MTUS1: variants seen among roughly 807,000 people sequenced by gnomAD.
MTUS1 encodes the protein microtubule associated scaffold protein 1.
In MTUS1, 109 loss-of-function variants were observed where a neutral mutation model predicts 120.8. The ratio of observed to expected loss-of-function variants is 0.90; its 90% CI spans 0.77 to 1.06. The LOEUF is 1.06. Ranked by LOEUF, MTUS1 falls within the 50% of genes least tolerant of loss-of-function variation. MTUS1 has a pLI of 0.00. For missense variants in MTUS1, 2,210 were observed against 1,486.3 expected (o/e 1.49, Z -8.01); for synonymous variants, 737 against 550.5 (o/e 1.34, Z -4.74).
At chr8:17,756,763 C>G (rs912186331) in intron 1 of MTUS1, among the ~76,000 whole-genome samples, 6 of 144,982 alleles carry the variant, frequency 4.1e-5, no homozygotes, top group African/African-American at 1.5e-4. Flanking sequence ...GCTGATCCAA[C>G]AGAGCTGGTG....
At chr8:17,737,802 G>C (rs2047037774) in intron 3 of MTUS1, among the ~76,000 whole-genome samples, 3 of 152,120 alleles carry the variant, frequency 2.0e-5, no homozygotes, top group African/African-American at 7.2e-5. Flanking sequence ...TTGGCTTTTA[G>C]AATAACTTAT....
chr8:17,714,953 G>A (rs566457567), intron 5 of MTUS1, among the ~76,000 whole-genome samples: 26 of 137,484 alleles, frequency 1.9e-4, no homozygotes, highest in East Asian at 1.4e-3. Flanking sequence ...TCACCCAGGC[G>A]GGAGTGCAGT....
At chr8:17,721,334 A>G (rs1226485303) in intron 4 of MTUS1, among the ~76,000 whole-genome samples, 1 of 152,210 alleles carries the variant, frequency 6.6e-6, no homozygotes. Flanking sequence ...GAAAATAAAG[A>G]TGTGATGTTT....
chr8:17,749,411 C>G (rs577093083), intron 2 of MTUS1, among the ~76,000 whole-genome samples: 97 of 152,140 alleles, frequency 6.4e-4, no homozygotes, highest in African/African-American at 2.1e-3. Flanking sequence ...GTAATCCCAG[C>G]ACTTTGAGAA....
intron 4 of MTUS1, among the ~76,000 whole-genome samples, chr8:17,719,452 C>T (rs1489796777): frequency 6.6e-6 from 1 of 152,180 alleles, no homozygotes; most frequent in East Asian, 1.9e-4. Flanking sequence ...GAATGTCTCA[C>T]ATATACCCTA....
chr8:17,761,569 T>C (rs1296684474), intron 1 of MTUS1, among the ~76,000 whole-genome samples: 1 of 152,220 alleles, frequency 6.6e-6, no homozygotes, highest in Non-Finnish European at 1.5e-5. Context: ...TAAGAGTAGA[T>C]GTCTTCTATA....
At chr8:17,713,980 C>A (rs138850371) in intron 5 of MTUS1, among the ~76,000 whole-genome samples, 1 of 152,170 alleles carries the variant, frequency 6.6e-6, no homozygotes, top group African/African-American at 2.4e-5. Context: ...TTTTAGAATT[C>A]TGAGTCTCCT....
At position 17,743,715 on chromosome 8, in the gene MTUS1, T is replaced by G. The variant is rs1586103340; in HGVS notation, c.2176A>C (p.Lys726Gln). 2 of 1,614,206 alleles carry G rather than the reference T, an allele frequency of 1.2e-6. No individual in the cohort carries two copies. The highest frequency in any genetic ancestry group is 2.2e-5 in the East Asian group (1 of 44,880). The stretch of plus-strand genomic sequence containing the variant: ...GAAACAGGGGGCCCCACTTTGGCTT[T>G]TGGAGCAGCTATTTGCCTCAAACCG... ...SCGLRQIAAP[K>Q]AKVGPPVSCL... is the part of the protein sequence containing the mutation. Residue 726 changes from lysine to glutamine, a missense_variant, in exon 3 of 15, where the codon AAA becomes CAA. Transcript: ENST00000693296.
intron 5 of MTUS1, among the ~76,000 whole-genome samples, chr8:17,714,675 G>A (rs1379883631): frequency 6.6e-6 from 1 of 152,022 alleles, no homozygotes; most frequent in Non-Finnish European, 1.5e-5. Context: ...CCTCAGTTTT[G>A]CTGGAATAAA....
chr8:17,763,573 G>A (rs143108098), intron 1 of MTUS1, among the ~76,000 whole-genome samples: 28 of 152,102 alleles, frequency 1.8e-4, no homozygotes, highest in African/African-American at 6.3e-4. Context: ...AGAATGGCCC[G>A]ACCTCTTTTT....
chr8:17,708,108 G>C (rs1452187979), intron 6 of MTUS1, among the ~76,000 whole-genome samples: 1 of 152,194 alleles, frequency 6.6e-6, no homozygotes, highest in Non-Finnish European at 1.5e-5. Flanking sequence ...AGTTGATAAA[G>C]TGGACCTTGT....
Position 17,754,646 on chromosome 8 carries a change from T to C in MTUS1, c.1162A>G (p.Thr388Ala). The change falls in exon 2 of 15, where the codon ACC (threonine) becomes GCC (alanine). Residue 388 changes from threonine to alanine, a missense_variant. Physicochemically the swap from Thr to Ala is moderately conservative, Grantham distance 58 (BLOSUM62 0). Coordinates refer to ENST00000693296, the MANE Select transcript of MTUS1 (RefSeq NM_001363059.2). ...ATCAATTCTGAGGTATGATTTTGGG[T>C]TCCCAAATCCTTTCCTTTGGAGACC... ...QMVSKGKDLGTQNHTSELILS... is the reference protein window; with the variant it reads ...QMVSKGKDLGAQNHTSELILS... The C allele has an allele frequency of 1.9e-6, 3 of 1,614,242 alleles. No homozygotes were observed. The highest frequency in any genetic ancestry group is 1.1e-5 in the South Asian group (1 of 91,084).
At chr8:17,662,262 C>T (rs552421972) in intron 8 of MTUS1, among the ~76,000 whole-genome samples, 20 of 151,592 alleles carry the variant, frequency 1.3e-4, no homozygotes, top group South Asian at 4.2e-4. Flanking sequence ...AAAATTGTTT[C>T]GAATTTGCAA....
chr8:17,648,275 G>GT (rs1192801030), intron 13 of MTUS1, among the ~76,000 whole-genome samples: 2 of 152,170 alleles, frequency 1.3e-5, no homozygotes, highest in Non-Finnish European at 2.9e-5. Context: ...CCCTCTCATT[G>GT]TATCAACTCA....
At chr8:17,656,722 C>T (rs2130285554) in intron 8 of MTUS1, among the ~76,000 whole-genome samples, 1 of 152,092 alleles carries the variant, frequency 6.6e-6, no homozygotes, top group Non-Finnish European at 1.5e-5. Context: ...CCTCCCTCTC[C>T]CAGCCAGCCA....
At chr8:17,800,216 T>A (rs888402623) in intron 1 of MTUS1, among the ~76,000 whole-genome samples, 3 of 152,074 alleles carry the variant, frequency 2.0e-5, no homozygotes, top group Admixed American at 6.6e-5. Context: ...CTCCTGAAAT[T>A]CACTGGTAAC....
chr8:17,683,082 C>G (rs1814937072), intron 7 of MTUS1, among the ~76,000 whole-genome samples: 2 of 152,284 alleles, frequency 1.3e-5, no homozygotes, highest in Admixed American at 6.5e-5. Context: ...ACCATCCTGC[C>G]TAACACAGTG....
At chr8:17,711,137 G>A (rs1386470882) in intron 6 of MTUS1, among the ~76,000 whole-genome samples, 1 of 152,180 alleles carries the variant, frequency 6.6e-6, no homozygotes, top group African/African-American at 2.4e-5. Context: ...TTTCAGAATG[G>A]TAAGTGAACG....
chr8:17,779,602 G>GA (rs1252359692), intron 1 of MTUS1, among the ~76,000 whole-genome samples: 3 of 152,058 alleles, frequency 2.0e-5, no homozygotes, highest in Non-Finnish European at 4.4e-5. Context: ...CCAAAAATTG[G>GA]AAAAAATGGT....
Sources: allele counts gnomAD v4.1 joint callset (sites outside exome capture counted in the v4.1 genomes callset), GRCh38; gene constraint gnomAD v4.1.1; transcripts MANE v1.5; gene names NCBI Gene and HGNC (gene_info 2026-07-23, HGNC 2026-07-21).